ATP8A2: variants seen among roughly 807,000 people sequenced by gnomAD.
ATP8A2 encodes the protein ATPase phospholipid transporting 8A2.
In ATP8A2, 100 loss-of-function variants were observed where a neutral mutation model predicts 165.6. The ratio of observed to expected loss-of-function variants is 0.60; its 90% CI spans 0.51 to 0.71. The LOEUF (loss-of-function observed/expected upper bound fraction) is 0.71, where lower values mean the gene tolerates loss of function less well. ATP8A2 is among the 30% of genes least tolerant of loss of function. The probability of loss-of-function intolerance (pLI) is 0.00; values close to 1 mark genes in which losing one functional copy is unlikely to be tolerated. For synonymous variants in ATP8A2, 543 were observed against 548.8 expected, an observed-to-expected ratio of 0.99 and a Z score of 0.15; for missense variants, 1,227 against 1,479.5, an observed-to-expected ratio of 0.83 and a Z score of 2.80.
At chr13:25,556,844 T>C (rs2038996674) in intron 13 of ATP8A2, among the ~76,000 whole-genome samples, 1 of 152,170 alleles carries the variant, frequency 6.6e-6, no homozygotes, top group African/African-American at 2.4e-5. Context: ...ATCTGGCTGT[T>C]CCAAGCTTCC....
At chr13:25,513,165 G>T (rs1336995881) in intron 2 of ATP8A2, among the ~76,000 whole-genome samples, 1 of 151,946 alleles carries the variant, frequency 6.6e-6, no homozygotes, top group Non-Finnish European at 1.5e-5. Context: ...CTCAGATGGG[G>T]CGGCTGCCGG....
intron 33 of ATP8A2, among the ~76,000 whole-genome samples, chr13:25,915,072 G>A (rs1397150275): frequency 6.6e-6 from 1 of 152,178 alleles, no homozygotes; most frequent in Non-Finnish European, 1.5e-5. Context: ...AAGCATTTCT[G>A]TTCTAAAGTG....
chr13:25,906,330 A>G (rs889543094), intron 33 of ATP8A2, among the ~76,000 whole-genome samples: 1 of 142,768 alleles, frequency 7.0e-6, no homozygotes, highest in Non-Finnish European at 1.5e-5. Context: ...TTTGTATTAC[A>G]GCTACAAACT....
At chr13:25,454,662 GCCTGTAA>G (rs2035316123) in intron 1 of ATP8A2, among the ~76,000 whole-genome samples, 1 of 152,156 alleles carries the variant, frequency 6.6e-6, no homozygotes, top group Non-Finnish European at 1.5e-5. Flanking sequence ...GGTGGCTCAC[GCCTGTAA>G]TCCCAGCACT....
chr13:25,764,157 G>A (rs2044442884), intron 25 of ATP8A2, among the ~76,000 whole-genome samples: 1 of 151,970 alleles, frequency 6.6e-6, no homozygotes, highest in African/African-American at 2.4e-5. Context: ...ATGTATTTTA[G>A]GCTTGGTATT....
chr13:25,859,398 G>A (rs997082810), intron 30 of ATP8A2, among the ~76,000 whole-genome samples: 38 of 152,030 alleles, frequency 2.5e-4, no homozygotes, highest in African/African-American at 8.7e-4. Flanking sequence ...AAGAATAAAG[G>A]AAGGTTGGCA....
intron 30 of ATP8A2, among the ~76,000 whole-genome samples, chr13:25,843,194 A>G (rs957281076): frequency 2.2e-4 from 34 of 152,170 alleles, no homozygotes; most frequent in Middle Eastern, 3.4e-3. Context: ...GGGAGAAGGA[A>G]CATTCCTGGC....
intron 10 of ATP8A2, among the ~76,000 whole-genome samples, chr13:25,549,231 G>A (rs1331668969): frequency 2.0e-5 from 3 of 152,026 alleles, no homozygotes; most frequent in Admixed American, 6.6e-5. Context: ...AGGCCAAGAC[G>A]GGCAGATGAC....
intron 1 of ATP8A2, among the ~76,000 whole-genome samples, chr13:25,418,171 C>T (rs956803654): frequency 6.6e-6 from 1 of 152,166 alleles, no homozygotes; most frequent in African/African-American, 2.4e-5. Context: ...GACATAGCTC[C>T]CAATGAATAC....
At chr13:25,614,389 A>G (rs770548411) in intron 24 of ATP8A2, among the ~76,000 whole-genome samples, 1 of 151,444 alleles carries the variant, frequency 6.6e-6, no homozygotes, top group Admixed American at 6.6e-5. Flanking sequence ...TATGTTGTCT[A>G]TTTCTCTGGG....
intron 35 of ATP8A2, among the ~76,000 whole-genome samples, chr13:25,983,858 A>G (rs1956219577): frequency 6.6e-6 from 1 of 152,170 alleles, no homozygotes; most frequent in Non-Finnish European, 1.5e-5. Flanking sequence ...GTGATGAGTG[A>G]CATTCCAGAG....
At chr13:25,955,332 C>A (rs1955493793) in intron 33 of ATP8A2, among the ~76,000 whole-genome samples, 1 of 152,002 alleles carries the variant, frequency 6.6e-6, no homozygotes, top group African/African-American at 2.4e-5. Context: ...TCAGTTAATC[C>A]AGGAGCTGGT....
chr13:25,815,447 A>G (rs1047498340), intron 27 of ATP8A2, among the ~76,000 whole-genome samples: 4 of 152,234 alleles, frequency 2.6e-5, no homozygotes, highest in African/African-American at 9.6e-5. Flanking sequence ...GGTGCTCAGC[A>G]TCACTGATGA....
At chr13:25,771,193 G>A (rs558900435) in intron 26 of ATP8A2, among the ~76,000 whole-genome samples, 16 of 152,304 alleles carry the variant, frequency 1.1e-4, no homozygotes, top group South Asian at 8.3e-4. Flanking sequence ...TGGGAAAACC[G>A]GGGTTCCTTC....
intron 1 of ATP8A2, among the ~76,000 whole-genome samples, chr13:25,402,762 C>T (rs2033678167): frequency 6.6e-6 from 1 of 152,128 alleles, no homozygotes; most frequent in African/African-American, 2.4e-5. Flanking sequence ...TATGAAAGGG[C>T]TTGAGGCAGC....
intron 27 of ATP8A2, among the ~76,000 whole-genome samples, chr13:25,823,335 A>C (rs182934916): frequency 4.1e-4 from 62 of 152,238 alleles, no homozygotes; most frequent in African/African-American, 1.4e-3. Flanking sequence ...ATCTTCTTTG[A>C]ATAGTGTCTT....
chr13:25,687,186 A>C (rs375214949), intron 24 of ATP8A2, among the ~76,000 whole-genome samples: 1 of 152,118 alleles, frequency 6.6e-6, no homozygotes, highest in Non-Finnish European at 1.5e-5. Context: ...ATAGTCCCCA[A>C]ACAAGGGGTG....
chr13:25,453,207 A>G (rs999435228), intron 1 of ATP8A2, among the ~76,000 whole-genome samples: 1 of 146,308 alleles, frequency 6.8e-6, no homozygotes, highest in Non-Finnish European at 1.5e-5. Flanking sequence ...GCTCACTGCA[A>G]CCTCCACCTC....
intron 2 of ATP8A2, among the ~76,000 whole-genome samples, chr13:25,516,719 CT>C (rs368398672): frequency 0.022 from 3,183 of 144,336 alleles, 47 homozygotes; most frequent in African/African-American, 0.04. Context: ...TCTCATAACT[CT>C]TTTTTTTTTG....
Sources: gnomAD v4.1 joint callset for allele counts (sites outside exome capture counted in the v4.1 genomes callset) on GRCh38, gnomAD v4.1.1 for gene constraint, MANE v1.5 for transcripts, NCBI Gene and HGNC (gene_info 2026-07-23, HGNC 2026-07-21) for gene names.